Variants in PCDHA2 observed in about 807,000 individuals in gnomAD.
The protein encoded by PCDHA2 is protocadherin alpha 2, also known as protocadherin alpha-2.
Under a neutral mutation model 66.0 loss-of-function variants are expected in PCDHA2, and 58 were observed. The observed-to-expected ratio is 0.88, with a 90% CI of 0.71 to 1.09. The LOEUF (loss-of-function observed/expected upper bound fraction) is 1.09, where lower values mean the gene tolerates loss of function less well. Ranked by LOEUF, PCDHA2 falls within the 50% of genes least tolerant of loss-of-function variation. The pLI is 0.00. For missense variants in PCDHA2, 1,267 were observed against 1,242.3 expected (o/e 1.02, Z -0.30); for synonymous variants, 634 against 554.0 (o/e 1.14, Z -2.03).
chr5:140,817,291 C>A (rs1416812795), intron 1 of PCDHA2: 1 of 152,222 alleles, frequency 6.6e-6, no homozygotes, highest in East Asian at 1.9e-4. Context: ...CTGGATGGGA[C>A]TATAGGGAAA....
intron 1 of PCDHA2, chr5:140,968,681 A>G: frequency 1.9e-6 from 3 of 1,614,158 alleles, no homozygotes; most frequent in Non-Finnish European, 2.5e-6. Context: ...AGAGCTGCAC[A>G]CAGGAGAAAT....
At chr5:140,848,356 A>G in intron 1 of PCDHA2, 1 of 1,038,310 alleles carries the variant, frequency 9.6e-7, no homozygotes, top group Non-Finnish European at 1.4e-6. Context: ...CCCTTTTCCC[A>G]TGGGAAAGAG....
rs1245012473 is a variant in PCDHA2 at position 140,796,682 on chromosome 5, C to A, written c.1718C>A (p.Ala573Asp). ...CTGTTGGCGCCTAGGGCTGGCACCGCTGCTGGCGCAGTGAGTGAGCTGGTG... is the reference window on the plus strand; with the variant it reads ...CTGTTGGCGCCTAGGGCTGGCACCGATGCTGGCGCAGTGAGTGAGCTGGTG... ...PALLAPRAGT[A>D]AGAVSELVPW... Residue 573 changes from alanine (A) to aspartate (D), a missense_variant, in exon 1 of 4, where the codon GCT becomes GAT. Coordinates refer to ENST00000526136, the MANE Select transcript of PCDHA2 (RefSeq NM_018905.3). 6.2e-7 allele frequency: 1 copy of A among 1,613,790 alleles called. No homozygotes were observed. Among genetic ancestry groups the A allele is most frequent in the African/African-American group, 1.3e-5 (1 of 74,942 alleles).
At chr5:140,927,395 A>G (rs782188555) in intron 1 of PCDHA2, 3 of 1,614,194 alleles carry the variant, frequency 1.9e-6, no homozygotes, top group South Asian at 2.2e-5. Context: ...CCCAGTCAGC[A>G]CTTTCGCCTG....
chr5:140,890,760 A>C (rs939413448), intron 1 of PCDHA2, among the ~76,000 whole-genome samples: 2 of 152,188 alleles, frequency 1.3e-5, no homozygotes, highest in Non-Finnish European at 2.9e-5. Flanking sequence ...ATGCTTTAAA[A>C]ATATTTTAAA....
At position 140,809,304 on chromosome 5, in the gene PCDHA2, C is replaced by T. The variant is rs1554125129; in HGVS notation, c.2388+11952C>T. 6.8e-6 allele frequency: 11 copies of T among 1,614,122 alleles called. No homozygotes were observed. The East Asian group carries it at 2.0e-4, about 29-fold the overall frequency. On this transcript the variant is annotated intron_variant, in intron 1 of 3. Transcript: ENST00000526136. ...GTATACCTGATCATTGCCATCTGCG[C>T]GGTGTCCAGCCTTTTGGTGCTCACG... is the stretch of plus-strand genomic sequence containing the variant.
At chr5:140,896,871 TTTATGGG>T (rs1349052738) in intron 1 of PCDHA2, among the ~76,000 whole-genome samples, 1 of 152,200 alleles carries the variant, frequency 6.6e-6, no homozygotes, top group Non-Finnish European at 1.5e-5. Flanking sequence ...AGTGTACATA[TTTATGGG>T]GTATATGAGA....
chr5:140,852,885 A>ATT, intron 1 of PCDHA2: 58 of 777,210 alleles, frequency 7.5e-5, no homozygotes, highest in Non-Finnish European at 8.7e-5. Flanking sequence ...CATAAAACGT[A>ATT]TTTTTTTTTT....
In PCDHA2 at chr5:140,796,233, G is replaced by T. The variant is rs1554119771; in HGVS notation, c.1269G>T (p.Leu423=). Residue 423 remains leucine (L), a synonymous_variant, in exon 1 of 4, where the codon CTG becomes CTT. Transcript: ENST00000526136. ...LDRESVSAYE[L]VVTARDGGSP... Reference sequence around the variant, plus strand: ...GCGAGAGCGTGTCAGCCTATGAGCTGGTGGTGACCGCACGGGACGGGGGCT... The same window carrying T: ...GCGAGAGCGTGTCAGCCTATGAGCTTGTGGTGACCGCACGGGACGGGGGCT... 1 of 1,614,070 alleles carries T rather than the reference G, an allele frequency of 6.2e-7. No homozygotes were observed. Among genetic ancestry groups the T allele is most frequent in the Non-Finnish European group, 8.5e-7 (1 of 1,180,058 alleles).
intron 1 of PCDHA2, among the ~76,000 whole-genome samples, chr5:140,931,398 T>C: frequency 6.6e-6 from 1 of 152,112 alleles, no homozygotes; most frequent in African/African-American, 2.4e-5. Context: ...AAGTAAGCGA[T>C]AGGAAGGCTG....
chr5:140,972,316 G>GTT (rs112435719), intron 1 of PCDHA2, among the ~76,000 whole-genome samples: 1 of 139,858 alleles, frequency 7.2e-6, no homozygotes, highest in Non-Finnish European at 1.6e-5. Flanking sequence ...GTTTTTAGGT[G>GTT]TTTTTTTTTT....
chr5:140,823,565 A>G, intron 1 of PCDHA2: 1 of 1,613,806 alleles, frequency 6.2e-7, no homozygotes, highest in Non-Finnish European at 8.5e-7. Flanking sequence ...CGCGCAGTGG[A>G]CCCTGATTCG....
chr5:140,963,811 G>A (rs2153736544), intron 1 of PCDHA2, among the ~76,000 whole-genome samples: 1 of 152,288 alleles, frequency 6.6e-6, no homozygotes, highest in Middle Eastern at 3.4e-3. Context: ...TAGTCACTGT[G>A]CAAATTGCTT....
At chr5:140,865,051 T>A (rs1228832316) in intron 1 of PCDHA2, 1 of 151,882 alleles carries the variant, frequency 6.6e-6, no homozygotes, top group Admixed American at 6.6e-5. Flanking sequence ...AATGTCATTG[T>A]TTTTAATAAC....
chr5:140,808,300 G>C (rs1764141064), intron 1 of PCDHA2: 1 of 1,614,256 alleles, frequency 6.2e-7, no homozygotes, highest in African/African-American at 1.3e-5. Context: ...TCATCGCCCT[G>C]ATCAGCGTGT....
At chr5:140,862,471 C>G in intron 1 of PCDHA2, 3 of 374,584 alleles carry the variant, frequency 8.0e-6, no homozygotes, top group Non-Finnish European at 1.6e-5. Context: ...GAGAGCAAAT[C>G]TATCCATTGT....
chr5:140,937,916 A>T (rs903757303), intron 1 of PCDHA2, among the ~76,000 whole-genome samples: 37 of 152,106 alleles, frequency 2.4e-4, no homozygotes, highest in Non-Finnish European at 1.8e-4. Flanking sequence ...CGTCTCAAAA[A>T]AAAAAAAAAA....
At chr5:140,821,208 T>A (rs879956667) in intron 1 of PCDHA2, among the ~76,000 whole-genome samples, 1 of 152,160 alleles carries the variant, frequency 6.6e-6, no homozygotes, top group Non-Finnish European at 1.5e-5. Flanking sequence ...AAGTTTTAAT[T>A]AGATATGTTT....
chr5:140,815,649 T>C (rs1305813119), intron 1 of PCDHA2: 1 of 152,172 alleles, frequency 6.6e-6, no homozygotes, highest in Non-Finnish European at 1.5e-5. Context: ...TGTTTTTATC[T>C]ATATATTTAT....
Sources: allele counts gnomAD v4.1 joint callset (sites outside exome capture counted in the v4.1 genomes callset), GRCh38; gene constraint gnomAD v4.1.1; transcripts MANE v1.5; gene names NCBI Gene and HGNC (gene_info 2026-07-23, HGNC 2026-07-21).